Variants in MYBPC1 observed in about 807,000 individuals in gnomAD.
The protein encoded by MYBPC1 is myosin-binding protein C, slow-type.
Under a neutral mutation model 147.1 loss-of-function variants are expected in MYBPC1, and 52 were observed. The ratio of observed to expected loss-of-function variants is 0.35; its 90% CI spans 0.28 to 0.45. MYBPC1 has a LOEUF of 0.45. Among genes scored for constraint, MYBPC1 ranks in the 20% least tolerant of loss-of-function variants. MYBPC1 has a pLI of 1.00. For missense variants in MYBPC1, 1,228 were observed against 1,440.3 expected (o/e 0.85, Z 2.39); for synonymous variants, 477 against 475.9 (o/e 1.00, Z -0.03).
chr12:101,650,285 T>C (rs1894156691), intron 15 of MYBPC1, among the ~76,000 whole-genome samples: 3 of 152,198 alleles, frequency 2.0e-5, no homozygotes, highest in Non-Finnish European at 4.4e-5. Flanking sequence ...GGATTATGGG[T>C]ATGACACTCA....
chr12:101,599,095 G>A (rs1013340968), intron 1 of MYBPC1, among the ~76,000 whole-genome samples: 8 of 152,166 alleles, frequency 5.3e-5, no homozygotes, highest in Non-Finnish European at 1.0e-4. Context: ...CATGTTCCGT[G>A]TAAGATCTCT....
At chr12:101,663,658 T>A (rs1476285813) in intron 22 of MYBPC1, 98 bp downstream of exon 22, 23 of 1,370,432 alleles carry the variant, frequency 1.7e-5, no homozygotes, top group Non-Finnish European at 2.2e-5. Flanking sequence ...CGCATCACCT[T>A]CCTACGAAAA....
chr12:101,616,341 CT>C (rs1268455786), intron 2 of MYBPC1, among the ~76,000 whole-genome samples: 1 of 152,112 alleles, frequency 6.6e-6, no homozygotes, highest in Non-Finnish European at 1.5e-5. Context: ...ATAAACAAAC[CT>C]TTCCCTTCTG....
chr12:101,601,087 T>C (rs1351404790), intron 1 of MYBPC1, among the ~76,000 whole-genome samples: 1 of 152,198 alleles, frequency 6.6e-6, no homozygotes, highest in Non-Finnish European at 1.5e-5. Context: ...ATGAAGTAGC[T>C]ACTGTTTATT....
intron 24 of MYBPC1, 82 bp downstream of exon 24, chr12:101,670,491 G>T (rs1898414731): frequency 8.5e-7 from 1 of 1,173,394 alleles, no homozygotes. Flanking sequence ...TAGCATTTAA[G>T]TTCATCATGA....
At position 101,652,702 on chromosome 12, in the gene MYBPC1, T is replaced by C. The variant is rs1373329570; in HGVS notation, c.1551T>C (p.Asn517=). 1 of 1,612,964 alleles carries C rather than the reference T, an allele frequency of 6.2e-7. No homozygotes were observed. Among genetic ancestry groups the C allele is most frequent in the Admixed American group, 1.7e-5 (1 of 60,026 alleles). ...GGATCCACAAGTTAGTGATAGCCAA[T>C]GCCCTCACTGAAGATGAAGGTGATT... is the stretch of plus-strand genomic sequence containing the variant. ...KGRIHKLVIA[N]ALTEDEGDYV... Residue 517 remains asparagine, a synonymous_variant, in exon 17 of 32, where the codon AAT becomes AAC. Coordinates refer to ENST00000361466, the MANE Select transcript of MYBPC1 (RefSeq NM_002465.4).
chr12:101,648,098 G>A lies in MYBPC1; in HGVS notation c.1144G>A (p.Glu382Lys). ...QLEDTTAYCG[E>K]RVELECEVSE... ...GGAAGATACAACTGCTTATTGTGGGGAGAGAGTGGAATTAGAATGTGAGGT... is the reference window on the plus strand; with the variant it reads ...GGAAGATACAACTGCTTATTGTGGGAAGAGAGTGGAATTAGAATGTGAGGT... Residue 382 changes from glutamate (E) to lysine (K), a missense_variant, in exon 14 of 32, where the codon GAG (glutamate) becomes AAG (lysine). Transcript: ENST00000361466. 1 of 1,613,250 alleles carries A rather than the reference G, an allele frequency of 6.2e-7. No individual in the cohort carries two copies. Among genetic ancestry groups the A allele is most frequent in the Admixed American group, 1.7e-5 (1 of 60,010 alleles).
At chr12:101,608,728 T>A (rs766923473) in intron 1 of MYBPC1, among the ~76,000 whole-genome samples, 1 of 152,194 alleles carries the variant, frequency 6.6e-6, no homozygotes, top group Admixed American at 6.6e-5. Context: ...AGCGGGGGAT[T>A]CCTTAGAAAG....
In MYBPC1 at chr12:101,646,784, A is replaced by T. The variant is rs762911215; in HGVS notation, c.987A>T (p.Gly329=). ...PSTKYIFEHK[G]CQRILFINNC... ...ACAGATACATCTTTGAACACAAAGG[A>T]TGCCAGAGAATCCTGTTTATCAATA... The change falls in exon 13 of 32, where the codon GGA becomes GGT. Residue 329 remains glycine, a synonymous_variant. Coordinates refer to ENST00000361466, the MANE Select transcript of MYBPC1 (RefSeq NM_002465.4). The T allele has an allele frequency of 1.2e-6, 2 of 1,613,020 alleles. No homozygotes were observed. Among genetic ancestry groups the T allele is most frequent in the East Asian group, 2.2e-5 (1 of 44,878 alleles).
intron 1 of MYBPC1, among the ~76,000 whole-genome samples, chr12:101,614,011 C>T (rs188265414): frequency 7.9e-4 from 120 of 152,192 alleles, no homozygotes; most frequent in Middle Eastern, 3.4e-3. Flanking sequence ...ATTTCTGCAC[C>T]GACCTTACCT....
At chr12:101,609,882 A>G (rs1385352041) in intron 1 of MYBPC1, among the ~76,000 whole-genome samples, 4 of 152,338 alleles carry the variant, frequency 2.6e-5, no homozygotes, top group African/African-American at 9.6e-5. Flanking sequence ...GCTCCTGCCT[A>G]TGGTCCCTAT....
intron 3 of MYBPC1, among the ~76,000 whole-genome samples, chr12:101,624,719 G>GTTTTTTTTTT (rs1888185227): frequency 2.2e-5 from 2 of 92,372 alleles, no homozygotes; most frequent in Admixed American, 1.1e-4. Context: ...TACGGAGAGA[G>GTTTTTTTTTT]TCTTGTTATG....
intron 18 of MYBPC1, 45 bp downstream of exon 18, chr12:101,653,293 C>A (rs893199692): frequency 6.2e-7 from 1 of 1,607,532 alleles, no homozygotes; most frequent in African/African-American, 1.3e-5. Context: ...CACACATATG[C>A]AGACACACTG....
At chr12:101,623,624 C>T (rs577839014) in intron 3 of MYBPC1, among the ~76,000 whole-genome samples, 11 of 152,226 alleles carry the variant, frequency 7.2e-5, no homozygotes, top group African/African-American at 2.2e-4. Flanking sequence ...ATGGTTCAAG[C>T]GTCCAGTTTA....
chr12:101,682,308 A>C (rs1295849903), intron 29 of MYBPC1, among the ~76,000 whole-genome samples: 6 of 152,224 alleles, frequency 3.9e-5, no homozygotes, highest in Non-Finnish European at 7.3e-5. Context: ...GGCCCTCCTT[A>C]AAAGCGAATA....
chr12:101,641,115 G>GAAAAAAA (rs34380289), intron 10 of MYBPC1, among the ~76,000 whole-genome samples: 1 of 105,952 alleles, frequency 9.4e-6, no homozygotes, highest in African/African-American at 3.6e-5. Context: ...CTGTCTCAAA[G>GAAAAAAA]AAAAAAAAAA....
At chr12:101,634,811 T>A (rs1338473005) in intron 9 of MYBPC1, among the ~76,000 whole-genome samples, 1 of 152,234 alleles carries the variant, frequency 6.6e-6, no homozygotes, top group Non-Finnish European at 1.5e-5. Flanking sequence ...TTTTAGAATG[T>A]TCTTGTTATA....
At chr12:101,657,465 T>A (rs1184174694) in intron 18 of MYBPC1, among the ~76,000 whole-genome samples, 1 of 152,178 alleles carries the variant, frequency 6.6e-6, no homozygotes, top group Non-Finnish European at 1.5e-5. Context: ...CCGGGCTAAG[T>A]AGGATAAGAA....
chr12:101,619,848 T>A (rs1886986970), intron 3 of MYBPC1, among the ~76,000 whole-genome samples: 1 of 152,226 alleles, frequency 6.6e-6, no homozygotes, highest in African/African-American at 2.4e-5. Flanking sequence ...AGCCTTAACA[T>A]CATTCCCAGA....
Sources: allele counts gnomAD v4.1 joint callset (sites outside exome capture counted in the v4.1 genomes callset), GRCh38; gene constraint gnomAD v4.1.1; transcripts MANE v1.5; gene names NCBI Gene and HGNC (gene_info 2026-07-23, HGNC 2026-07-21).